Variants in PPM1L observed in about 807,000 individuals in gnomAD.
PPM1L encodes the protein protein phosphatase 1L.
PPM1L carries 13 observed loss-of-function variants against 31.4 expected under a neutral mutation model. That is an observed-to-expected ratio of 0.41 (90% confidence interval 0.27 to 0.66). The LOEUF is 0.66. PPM1L is among the 30% of genes least tolerant of loss of function. PPM1L has a pLI of 0.29. For synonymous variants in PPM1L, 184 were observed against 175.4 expected, an observed-to-expected ratio of 1.05 and a Z score of -0.39; for missense variants, 326 against 453.7, an observed-to-expected ratio of 0.72 and a Z score of 2.56.
intron 1 of PPM1L, among the ~76,000 whole-genome samples, chr3:160,761,625 C>T (rs1714970789): frequency 6.6e-6 from 1 of 152,164 alleles, no homozygotes; most frequent in African/African-American, 2.4e-5. Flanking sequence ...GAACCTCACT[C>T]CTAGGACAGT....
In PPM1L at chr3:161,056,765, T is replaced by C. The variant is rs183308322; in HGVS notation, c.575-8638T>C. Among the ~76,000 whole-genome samples, 505 of 151,974 alleles carry C rather than the reference T, an allele frequency of 3.3e-3. 1 individual carries two copies. Among genetic ancestry groups the C allele is most frequent in the African/African-American group, 0.012 (483 of 41,502 alleles). ...CTGTGCAGTGTACAAAGCACTCTTA[T>C]AAGAATACAGCAATGGGCCGGCACG... On this transcript the variant is annotated intron_variant, in intron 2 of 3. Transcript: ENST00000498165.
chr3:160,993,765 G>A (rs753645568), intron 2 of PPM1L, among the ~76,000 whole-genome samples: 35 of 152,270 alleles, frequency 2.3e-4, no homozygotes, highest in South Asian at 1.2e-3. Flanking sequence ...AGAACACAGA[G>A]TAGCAGTTCA....
intron 1 of PPM1L, among the ~76,000 whole-genome samples, chr3:160,957,647 G>A (rs981532260): frequency 3.3e-5 from 5 of 151,018 alleles, no homozygotes; most frequent in African/African-American, 7.3e-5. Context: ...GTGCAATGGC[G>A]GCTCACTGCA....
At chr3:160,814,717 A>C (rs1276864987) in intron 1 of PPM1L, among the ~76,000 whole-genome samples, 1 of 150,038 alleles carries the variant, frequency 6.7e-6, no homozygotes, top group Non-Finnish European at 1.5e-5. Flanking sequence ...ATATATGTGT[A>C]TGTATACGTG....
At chr3:161,044,875 C>G (rs890425763) in intron 2 of PPM1L, among the ~76,000 whole-genome samples, 2 of 152,058 alleles carry the variant, frequency 1.3e-5, no homozygotes, top group African/African-American at 2.4e-5. Flanking sequence ...TTCAGCAGAC[C>G]CATCTCACGT....
intron 1 of PPM1L, among the ~76,000 whole-genome samples, chr3:160,840,716 A>G (rs904803454): frequency 2.7e-5 from 4 of 146,086 alleles, no homozygotes; most frequent in African/African-American, 1.1e-4. Flanking sequence ...TTCTATCTCC[A>G]GGGGAGAGAG....
chr3:160,970,787 A>ATTTTTTTTTT (rs71628437), intron 2 of PPM1L, among the ~76,000 whole-genome samples: 8 of 97,196 alleles, frequency 8.2e-5, no homozygotes, highest in African/African-American at 3.6e-4. Context: ...TTCAGTTATA[A>ATTTTTTTTTT]TTTTTTTTTT....
intron 1 of PPM1L, among the ~76,000 whole-genome samples, chr3:160,952,558 C>T (rs1432886516): frequency 6.6e-6 from 1 of 152,194 alleles, no homozygotes; most frequent in East Asian, 1.9e-4. Flanking sequence ...AATTGATTCT[C>T]ATCTTACTTC....
chr3:160,802,061 G>T (rs1423150561), intron 1 of PPM1L, among the ~76,000 whole-genome samples: 1 of 151,982 alleles, frequency 6.6e-6, no homozygotes, highest in Non-Finnish European at 1.5e-5. Flanking sequence ...GGCTACGTCG[G>T]GTTCTGCCCA....
intron 1 of PPM1L, among the ~76,000 whole-genome samples, chr3:160,917,463 C>A (rs942162638): frequency 2.0e-5 from 3 of 151,976 alleles, no homozygotes; most frequent in Admixed American, 6.5e-5. Flanking sequence ...GTACGGTAAG[C>A]AAAGTGATCT....
At chr3:160,791,341 G>GT (rs1457093759) in intron 1 of PPM1L, among the ~76,000 whole-genome samples, 1 of 152,136 alleles carries the variant, frequency 6.6e-6, no homozygotes, top group Non-Finnish European at 1.5e-5. Context: ...TCTGAAAATA[G>GT]TAAGTAGGGA....
intron 1 of PPM1L, among the ~76,000 whole-genome samples, chr3:160,886,784 A>T (rs1023102792): frequency 1.3e-5 from 2 of 152,142 alleles, no homozygotes; most frequent in African/African-American, 4.8e-5. Context: ...CAGAAAACCC[A>T]AAAGGCCAGA....
At chr3:161,058,117 C>CCTTTTTTTTT (rs1719465577) in intron 2 of PPM1L, among the ~76,000 whole-genome samples, 1 of 29,340 alleles carries the variant, frequency 3.4e-5, no homozygotes, top group Admixed American at 4.2e-4. Context: ...CATTTTCTTT[C>CCTTTTTTTTT]CTTTTTTTTT....
chr3:161,046,376 G>A (rs1482732706), intron 2 of PPM1L, among the ~76,000 whole-genome samples: 1 of 151,736 alleles, frequency 6.6e-6, no homozygotes, highest in Non-Finnish European at 1.5e-5. Context: ...ACACCATCCC[G>A]AGACTAAACC....
At chr3:160,888,704 C>T (rs1384777540) in intron 1 of PPM1L, among the ~76,000 whole-genome samples, 2 of 152,176 alleles carry the variant, frequency 1.3e-5, no homozygotes, top group African/African-American at 4.8e-5. Context: ...AACTCTCCAC[C>T]TCAAATCAAC....
At chr3:160,785,824 G>A (rs1452524899) in intron 1 of PPM1L, among the ~76,000 whole-genome samples, 4 of 149,208 alleles carry the variant, frequency 2.7e-5, no homozygotes, top group Non-Finnish European at 4.4e-5. Context: ...ACAAGACAGC[G>A]GTGCACTGTT....
At chr3:160,961,058 GCAA>G (rs527843919) in intron 1 of PPM1L, among the ~76,000 whole-genome samples, 81 of 152,148 alleles carry the variant, frequency 5.3e-4, no homozygotes, top group African/African-American at 1.8e-3. Context: ...AAAACAAACA[GCAA>G]CAACAACAAC....
rs893187721 is a variant in PPM1L, at chr3:161,077,349, G to A, written c.*8192G>A. 3 of 152,192 alleles carry A rather than the reference G, an allele frequency of 2.0e-5. No individual in the cohort carries two copies. Among genetic ancestry groups the A allele is most frequent in the Admixed American group, 2.0e-4 (3 of 15,272 alleles). The allele number at this position is 152,192 out of a possible 1,614,324, so 9.4% of individuals were successfully genotyped here. A position where few individuals can be genotyped will look rare whatever the true frequency, so the allele number is the denominator to read the frequency against. Reference sequence around the variant, plus strand: ...TGAGACATGGAGCCTCTGGGGACAAGGATAGGGGGGTGGGACTGTCCCAGT... The same window carrying A: ...TGAGACATGGAGCCTCTGGGGACAAAGATAGGGGGGTGGGACTGTCCCAGT... On this transcript the variant is annotated 3_prime_UTR_variant, in exon 4 of 4. Transcript: ENST00000498165.
At chr3:160,878,727 G>A (rs1222747393) in intron 1 of PPM1L, among the ~76,000 whole-genome samples, 2 of 152,180 alleles carry the variant, frequency 1.3e-5, no homozygotes, top group Non-Finnish European at 2.9e-5. Flanking sequence ...TGGAGAAGTG[G>A]GAGAAGCAGG....
Sources: allele counts gnomAD v4.1 joint callset (sites outside exome capture counted in the v4.1 genomes callset), GRCh38; gene constraint gnomAD v4.1.1; transcripts MANE v1.5; gene names NCBI Gene and HGNC (gene_info 2026-07-23, HGNC 2026-07-21).